The following COL5A2 variants were observed in gnomAD, a reference collection of about 807,000 sequenced individuals.
COL5A2 encodes the protein collagen alpha-2(V) chain.
COL5A2 carries 23 observed loss-of-function variants against 208.2 expected under a neutral mutation model. The observed-to-expected ratio is 0.11, with a 90% CI of 0.08 to 0.16. The LOEUF (loss-of-function observed/expected upper bound fraction) is 0.16, where lower values mean the gene tolerates loss of function less well. Among genes scored for constraint, COL5A2 ranks in the 10% least tolerant of loss-of-function variants. COL5A2 has a pLI of 1.00. For synonymous variants in COL5A2, 625 were observed against 628.5 expected, an observed-to-expected ratio of 0.99 and a Z score of 0.08; for missense variants, 1,590 against 1,956.4, an observed-to-expected ratio of 0.81 and a Z score of 3.53.
At chr2:189,308,107 A>G in the COL5A2 span, among the ~76,000 whole-genome samples, 20 of 151,656 alleles carry the variant, frequency 1.3e-4, 1 homozygote, top group East Asian at 3.1e-3. Flanking sequence ...TTTGGGCAAT[A>G]AACTGGGGTG....
the COL5A2 span, among the ~76,000 whole-genome samples, chr2:189,306,496 T>C: frequency 6.6e-6 from 1 of 152,330 alleles, no homozygotes; most frequent in South Asian, 2.1e-4. Flanking sequence ...TGTGCATTTT[T>C]AGGAATGCTG....
chr2:189,186,613 G>T (rs1688856325), intron 1 of COL5A2, among the ~76,000 whole-genome samples: 1 of 152,196 alleles, frequency 6.6e-6, no homozygotes, highest in East Asian at 1.9e-4. Context: ...TTGAAATCCT[G>T]GCTGCACAGT....
the COL5A2 span, among the ~76,000 whole-genome samples, chr2:189,247,583 CT>C: frequency 0.089 from 12,483 of 139,882 alleles, 838 homozygotes; most frequent in African/African-American, 0.21. Flanking sequence ...AAAAAAATTT[CT>C]TTTTTTTTTT....
intron 1 of COL5A2, among the ~76,000 whole-genome samples, chr2:189,194,404 T>G (rs1395576927): frequency 1.3e-5 from 2 of 152,210 alleles, no homozygotes; most frequent in African/African-American, 4.8e-5. Flanking sequence ...ACAACATTTA[T>G]TTCTCTCTGA....
chr2:189,285,071 G>GGTGTGTGTGTGTGT, the COL5A2 span, among the ~76,000 whole-genome samples: 12,239 of 139,632 alleles, frequency 0.088, 672 homozygotes, highest in Middle Eastern at 0.13. Context: ...GCATGCACAT[G>GGTGTGTGTGTGTGT]GTGTGTGTGT....
chr2:189,273,355 G>T, the COL5A2 span, among the ~76,000 whole-genome samples: 1 of 151,900 alleles, frequency 6.6e-6, no homozygotes, highest in Non-Finnish European at 1.5e-5. Flanking sequence ...CAAAAAAAAA[G>T]TGTTAACAGG....
the COL5A2 span, among the ~76,000 whole-genome samples, chr2:189,240,450 C>T: frequency 6.6e-6 from 1 of 152,204 alleles, no homozygotes; most frequent in Admixed American, 6.5e-5. Context: ...AAAGGCTGCA[C>T]CTTCAAATAC....
chr2:189,390,895 T>A, the COL5A2 span, among the ~76,000 whole-genome samples: 1 of 152,216 alleles, frequency 6.6e-6, no homozygotes, highest in East Asian at 1.9e-4. Flanking sequence ...ATTTCTGGAA[T>A]TTGCTAAACT....
chr2:189,133,882 G>T (rs983477909), intron 1 of COL5A2, among the ~76,000 whole-genome samples: 1 of 152,082 alleles, frequency 6.6e-6, no homozygotes, highest in South Asian at 2.1e-4. Context: ...TCCTTCAGGT[G>T]TTTATTTCTG....
the COL5A2 span, among the ~76,000 whole-genome samples, chr2:189,276,933 T>G: frequency 2.0e-5 from 3 of 152,142 alleles, no homozygotes; most frequent in Non-Finnish European, 4.4e-5. Context: ...GTTTTCTTAT[T>G]TTGCTAATTT....
rs933589600 is a variant in COL5A2, at chr2:189,050,638, C to G, written c.2970G>C (p.Gly990=). 1.5e-5 allele frequency: 23 copies of G among 1,552,582 alleles called. No homozygotes were observed. The Admixed American group carries it at 4.5e-4, about 30-fold the overall frequency. ...CAGGCATGCCAACAATTCCTCTCTGCCCGGTCGTTCCAGCTGGACCAGGGG... is the reference window on the plus strand; with the variant it reads ...CAGGCATGCCAACAATTCCTCTCTGGCCGGTCGTTCCAGCTGGACCAGGGG... The part of the protein sequence containing the change: ...DGPPGPAGTT[G]QRGIVGMPGQ... Residue 990 remains glycine (G), a synonymous_variant, in exon 43 of 54, where the codon GGG becomes GGC. Transcript: ENST00000374866.
At chr2:189,120,415 G>A (rs1200874330) in intron 1 of COL5A2, among the ~76,000 whole-genome samples, 1 of 152,062 alleles carries the variant, frequency 6.6e-6, no homozygotes, top group Non-Finnish European at 1.5e-5. Flanking sequence ...GAGAGGTTTT[G>A]TCTAATGCTG....
At chr2:189,405,709 C>T in the COL5A2 span, among the ~76,000 whole-genome samples, 2 of 152,196 alleles carry the variant, frequency 1.3e-5, no homozygotes, top group Admixed American at 6.5e-5. Flanking sequence ...ATCAAAAATA[C>T]GACTATTGCA....
intron 1 of COL5A2, among the ~76,000 whole-genome samples, chr2:189,117,085 T>C (rs1228184044): frequency 7.0e-6 from 1 of 143,632 alleles, no homozygotes; most frequent in Non-Finnish European, 1.5e-5. Context: ...ATGGAAAAAA[T>C]AGAAAGGAAA....
rs1203066585 is a variant in COL5A2 at position 189,033,104 on chromosome 2, G to A, written c.*966C>T. The A allele has an allele frequency of 4.6e-5, 7 of 152,592 alleles. No homozygotes were observed. The highest frequency in any genetic ancestry group is 1.0e-4 in the Non-Finnish European group (7 of 68,028). The allele number at this position is 152,592 out of a possible 1,614,324, so 9.5% of individuals were successfully genotyped here. The stretch of plus-strand genomic sequence containing the variant: ...ATTCCAATCATCACATTTGATTAGA[G>A]TCAGCTCCACAACTCAGTTTCTAGA... On this transcript the variant is annotated 3_prime_UTR_variant, in exon 54 of 54. Coordinates refer to ENST00000374866, the MANE Select transcript of COL5A2 (RefSeq NM_000393.5).
chr2:189,419,969 G>T, the COL5A2 span, among the ~76,000 whole-genome samples: 10 of 144,340 alleles, frequency 6.9e-5, no homozygotes, highest in East Asian at 2.1e-3. Flanking sequence ...GAGGAGAGGA[G>T]AGGAGAGGAG....
At chr2:189,199,428 A>G (rs1425613429) in intron 1 of COL5A2, among the ~76,000 whole-genome samples, 1 of 152,188 alleles carries the variant, frequency 6.6e-6, no homozygotes, top group Non-Finnish European at 1.5e-5. Context: ...AGCATTTATT[A>G]AAGGTACAAT....
chr2:189,149,782 G>T (rs928903553), intron 1 of COL5A2, among the ~76,000 whole-genome samples: 1 of 152,128 alleles, frequency 6.6e-6, no homozygotes, highest in Admixed American at 6.6e-5. Flanking sequence ...CCTAGCATTA[G>T]AAATTTCTAT....
At chr2:189,318,072 C>T in the COL5A2 span, among the ~76,000 whole-genome samples, 1 of 152,078 alleles carries the variant, frequency 6.6e-6, no homozygotes, top group African/African-American at 2.4e-5. Flanking sequence ...GAAGAGTGCA[C>T]AATATACAGA....
Sources: allele counts gnomAD v4.1 joint callset (sites outside exome capture counted in the v4.1 genomes callset), GRCh38; gene constraint gnomAD v4.1.1; transcripts MANE v1.5; gene names NCBI Gene and HGNC (gene_info 2026-07-23, HGNC 2026-07-21).